The following HOXA3 variants were observed in gnomAD, a reference collection of about 807,000 sequenced individuals.
HOXA3 encodes the protein homeobox A3.
Under a neutral mutation model 30.3 loss-of-function variants are expected in HOXA3, and 8 were observed. That is an observed-to-expected ratio of 0.26 (90% CI 0.15 to 0.48). The LOEUF is 0.48. Among genes scored for constraint, HOXA3 ranks in the 20% least tolerant of loss-of-function variants. HOXA3 has a pLI of 0.99. For missense variants in HOXA3, 653 were observed against 614.4 expected (o/e 1.06, Z -0.66); for synonymous variants, 323 against 273.1 (o/e 1.18, Z -1.80).
At chr7:27,121,464 G>A (rs1399902724) in intron 4 of HOXA3, among the ~76,000 whole-genome samples, 1 of 152,142 alleles carries the variant, frequency 6.6e-6, no homozygotes, top group Non-Finnish European at 1.5e-5. Context: ...TTCCTGAAAT[G>A]TTCCATCTAT....
intron 1 of HOXA3, chr7:27,143,542 A>G (rs1583408223): frequency 3.1e-6 from 5 of 1,612,954 alleles, no homozygotes; most frequent in Middle Eastern, 1.6e-4. Context: ...CTCCATAATT[A>G]TGCAACTGGT....
intron 3 of HOXA3, among the ~76,000 whole-genome samples, chr7:27,125,857 C>A (rs1212892151): frequency 1.3e-5 from 2 of 152,150 alleles, no homozygotes; most frequent in Non-Finnish European, 2.9e-5. Context: ...GTGAGGAGAG[C>A]AGAGTTTGGA....
chr7:27,145,548 G>T, intron 1 of HOXA3: 23 of 1,367,162 alleles, frequency 1.7e-5, no homozygotes, highest in Non-Finnish European at 2.3e-5. Context: ...CCCTGAAGCT[G>T]CGGAAGCCCC....
chr7:27,118,120 C>G (rs955049191), intron 4 of HOXA3, among the ~76,000 whole-genome samples: 4 of 152,242 alleles, frequency 2.6e-5, no homozygotes, highest in Admixed American at 6.5e-5. Flanking sequence ...ATAACTCACT[C>G]TAGATATGAA....
At chr7:27,151,915 G>A (rs1331920923) in intron 1 of HOXA3, among the ~76,000 whole-genome samples, 3 of 152,178 alleles carry the variant, frequency 2.0e-5, no homozygotes, top group Non-Finnish European at 2.9e-5. Flanking sequence ...GGGGAACACA[G>A]TGTGCCGGGC....
At chr7:27,121,239 G>A (rs1437158520) in intron 4 of HOXA3, 1 of 151,602 alleles carries the variant, frequency 6.6e-6, no homozygotes, top group Admixed American at 6.6e-5. Context: ...GTGTGTGTGT[G>A]TGTGTGTGTG....
intron 1 of HOXA3, chr7:27,145,943 G>T (rs568413914): frequency 5.6e-6 from 9 of 1,601,328 alleles, no homozygotes; most frequent in Non-Finnish European, 6.0e-6. Flanking sequence ...GCCGGGCGCC[G>T]GTAAGCCAGG....
chr7:27,125,854 G>C (rs1021506267), intron 3 of HOXA3, among the ~76,000 whole-genome samples: 1 of 152,226 alleles, frequency 6.6e-6, no homozygotes, highest in Non-Finnish European at 1.5e-5. Flanking sequence ...ACAGTGAGGA[G>C]AGCAGAGTTT....
rs146929300 is a variant in HOXA3, at chr7:27,149,489, A to C, written c.-494+2799T>G. On this transcript the variant is annotated intron_variant, in intron 1 of 5. Coordinates refer to ENST00000612286, the MANE Select transcript of HOXA3 (RefSeq NM_153631.3). ...TTTTTCCTGAACTCTCCTCCCACAA[A>C]GGGAAAAAATTGGGAAAGGACTGGC... is the stretch of plus-strand genomic sequence containing the variant. Among the ~76,000 whole-genome samples, 540 of 152,272 alleles carry C rather than the reference A, an allele frequency of 3.5e-3. 6 individuals are homozygous for C. The highest frequency in any genetic ancestry group is 0.013 in the African/African-American group (527 of 41,554).
chr7:27,129,889 G>T, intron 2 of HOXA3: 1 of 609,680 alleles, frequency 1.6e-6, no homozygotes, highest in Non-Finnish European at 2.9e-6. Flanking sequence ...CTAACAGTTT[G>T]GCGTCTCGTA....
chr7:27,132,964 A>G (rs1785606018), intron 2 of HOXA3, among the ~76,000 whole-genome samples: 1 of 152,190 alleles, frequency 6.6e-6, no homozygotes, highest in Non-Finnish European at 1.5e-5. Context: ...ACCTTGTACC[A>G]AGTTTCTATT....
chr7:27,142,217 C>T (rs930098626), intron 1 of HOXA3: 8 of 901,844 alleles, frequency 8.9e-6, no homozygotes, highest in African/African-American at 1.7e-5. Flanking sequence ...CCCGCACACC[C>T]CTCCCGAATT....
Position 27,108,712 on chromosome 7 carries a change from A to G in HOXA3, c.535T>C (p.Cys179Arg), listed in dbSNP as rs561303614. 1 of 1,598,560 alleles carries G rather than the reference A, an allele frequency of 6.3e-7. No individual in the cohort carries two copies. Among genetic ancestry groups the G allele is most frequent in the South Asian group, 1.1e-5 (1 of 90,152 alleles). The change falls in exon 6 of 6, where the codon TGC (cysteine) becomes CGC (arginine). Residue 179 changes from cysteine to arginine, a missense_variant. Physicochemically the swap from Cys to Arg is radical, Grantham distance 180 (BLOSUM62 -3). This residue lies in a region of HOXA3 where 320 missense variants were observed against 321.9 expected (regional missense o/e 0.99). Coordinates refer to ENST00000612286, the MANE Select transcript of HOXA3 (RefSeq NM_153631.3). This position sits in a 1 kb window ranked among gnomAD's most constrained non-coding sequence, Gnocchi z 5.0. ...CCCGGCGGGCTCTTGTCGCCAGCGC[A>G]GCTTTCGCCTGCGAGGACAGAGAGA... ...KTSSSSSGES[C>R]AGDKSPPGQA...
At chr7:27,112,774 G>C (rs1359263277) in intron 4 of HOXA3, among the ~76,000 whole-genome samples, 1 of 148,048 alleles carries the variant, frequency 6.8e-6, no homozygotes, top group Non-Finnish European at 1.5e-5. Flanking sequence ...CAAGATATTA[G>C]ATAAAACAAA....
intron 2 of HOXA3, among the ~76,000 whole-genome samples, chr7:27,133,505 G>A (rs904205256): frequency 4.6e-5 from 7 of 152,230 alleles, no homozygotes; most frequent in South Asian, 2.1e-4. Context: ...GGGTGAAAGC[G>A]TTATCCTTTC....
chr7:27,143,362 G>C (rs995285363), intron 1 of HOXA3: 1 of 1,583,618 alleles, frequency 6.3e-7, no homozygotes, highest in Non-Finnish European at 8.6e-7. Flanking sequence ...ACCTGGGCTC[G>C]GCGGGCGCCG....
chr7:27,147,325 C>T (rs139581191), intron 1 of HOXA3: 4 of 1,613,800 alleles, frequency 2.5e-6, no homozygotes, highest in African/African-American at 2.7e-5. Flanking sequence ...GGAGTTCATC[C>T]GCTGCATCCA....
intron 2 of HOXA3, chr7:27,130,473 G>C: frequency 3.2e-6 from 4 of 1,257,054 alleles, no homozygotes; most frequent in Non-Finnish European, 4.0e-6. Flanking sequence ...GGTACAGCGC[G>C]GCAGCAGGGT....
intron 1 of HOXA3, among the ~76,000 whole-genome samples, chr7:27,146,411 T>G (rs949997203): frequency 2.0e-5 from 3 of 152,200 alleles, no homozygotes; most frequent in African/African-American, 7.2e-5. Flanking sequence ...TCAGCCCTCT[T>G]GAATCTTTAC....
Sources: gnomAD v4.1 joint callset for allele counts (sites outside exome capture counted in the v4.1 genomes callset) on GRCh38, gnomAD v4.1.1 for gene constraint, gnomAD v4.1.1 regional missense constraint, Gnocchi (gnomAD v3.1) non-coding constraint, MANE v1.5 for transcripts, NCBI Gene and HGNC (gene_info 2026-07-23, HGNC 2026-07-21) for gene names.